The following PDCD10 variants were observed in gnomAD, a reference collection of about 807,000 sequenced individuals.
The protein encoded by PDCD10 is programmed cell death protein 10.
A neutral mutation model predicts 29.2 loss-of-function variants in PDCD10; 4 were observed. The observed-to-expected ratio is 0.14, with a 90% CI of 0.07 to 0.31. PDCD10 has a LOEUF of 0.31. PDCD10 is among the 10% of genes least tolerant of loss of function. The probability of loss-of-function intolerance (pLI) is 1.00; values close to 1 mark genes in which losing one functional copy is unlikely to be tolerated. For synonymous variants in PDCD10, 70 were observed against 82.2 expected, an observed-to-expected ratio of 0.85 and a Z score of 0.80; for missense variants, 183 against 257.9, an observed-to-expected ratio of 0.71 and a Z score of 1.99.
At chr3:167,725,142 A>G (rs1318839448) in intron 2 of PDCD10, among the ~76,000 whole-genome samples, 1 of 152,074 alleles carries the variant, frequency 6.6e-6, no homozygotes, top group African/African-American at 2.4e-5. Context: ...CTGTAGTCCC[A>G]GCTACTCAGG....
intron 3 of PDCD10, among the ~76,000 whole-genome samples, chr3:167,712,719 T>A (rs1722639241): frequency 1.3e-5 from 2 of 151,852 alleles, no homozygotes; most frequent in Admixed American, 1.3e-4. Flanking sequence ...GAGAAACACA[T>A]TTCACCTATA....
intron 6 of PDCD10, among the ~76,000 whole-genome samples, chr3:167,692,058 T>C (rs62278328): frequency 2.6e-5 from 4 of 152,220 alleles, no homozygotes; most frequent in Admixed American, 1.3e-4. Context: ...AATATTATTT[T>C]AAATGTCAAA....
At chr3:167,688,015 T>C (rs966219448) in intron 6 of PDCD10, among the ~76,000 whole-genome samples, 1 of 152,226 alleles carries the variant, frequency 6.6e-6, no homozygotes, top group African/African-American at 2.4e-5. Flanking sequence ...AAACATTACC[T>C]ATGCCTGTCT....
At chr3:167,700,203 A>G (rs114695983) in intron 4 of PDCD10, among the ~76,000 whole-genome samples, 1,995 of 152,308 alleles carry the variant, frequency 0.013, 40 homozygotes, top group African/African-American at 0.046. Context: ...AAGTATTAGT[A>G]AGTATATGAT....
Position 167,720,271 on chromosome 3 carries a change from G to T in PDCD10, c.-114C>A, listed in dbSNP as rs1016576898. ...AAGAATTGGACACAAAAAACACACT[G>T]ATCTGGTGAAAGAGGAAGAAAGAAC... is the stretch of plus-strand genomic sequence containing the variant. On this transcript the variant is annotated splice_region_variant and 5_prime_UTR_variant, in exon 3 of 9. Transcript: ENST00000392750. 1 of 726,336 alleles carries T rather than the reference G, an allele frequency of 1.4e-6. No individual in the cohort carries two copies. Among genetic ancestry groups the T allele is most frequent in the Non-Finnish European group, 2.5e-6 (1 of 402,998 alleles). The allele number at this position is 726,336 out of a possible 1,614,324, so 45.0% of individuals were successfully genotyped here.
At chr3:167,710,498 CT>C (rs1722422266) in intron 3 of PDCD10, among the ~76,000 whole-genome samples, 1 of 152,070 alleles carries the variant, frequency 6.6e-6, no homozygotes, top group African/African-American at 2.4e-5. Context: ...ATGGGAAGAA[CT>C]TTGTCTTGTG....
At chr3:167,705,808 A>C (rs1201682223) in intron 3 of PDCD10, among the ~76,000 whole-genome samples, 2 of 152,236 alleles carry the variant, frequency 1.3e-5, no homozygotes, top group Non-Finnish European at 2.9e-5. Context: ...CATAATTAAC[A>C]AAGATATGTT....
chr3:167,702,529 T>C (rs1330415719), intron 4 of PDCD10, among the ~76,000 whole-genome samples: 1 of 152,182 alleles, frequency 6.6e-6, no homozygotes, highest in Non-Finnish European at 1.5e-5. Flanking sequence ...TCAAAACTTA[T>C]ACTCAAATCT....
chr3:167,725,719 T>C (rs1724045131), intron 2 of PDCD10, among the ~76,000 whole-genome samples: 1 of 144,142 alleles, frequency 6.9e-6, no homozygotes, highest in Non-Finnish European at 1.5e-5. Flanking sequence ...AGAAGCAATC[T>C]CTTGTTAATG....
intron 6 of PDCD10, among the ~76,000 whole-genome samples, chr3:167,692,762 C>T (rs1371760774): frequency 6.6e-6 from 1 of 152,170 alleles, no homozygotes; most frequent in East Asian, 1.9e-4. Context: ...ACTAAAAATA[C>T]AAAAAATTAG....
intron 3 of PDCD10, among the ~76,000 whole-genome samples, chr3:167,718,112 GAGA>G (rs1341875514): frequency 3.9e-5 from 6 of 151,972 alleles, no homozygotes; most frequent in South Asian, 4.1e-4. Context: ...TGGAGTAACT[GAGA>G]AGGTCAAACT....
Position 167,733,831 on chromosome 3 carries a change from T to C in PDCD10, c.-117+383A>G, listed in dbSNP as rs577898784. Among the ~76,000 whole-genome samples, 3 of 152,224 alleles carry C rather than the reference T, an allele frequency of 2.0e-5. No homozygotes were observed. The East Asian group carries it at 5.8e-4, about 29-fold the overall frequency. On this transcript the variant is annotated intron_variant, in intron 2 of 8. Coordinates refer to ENST00000392750, the MANE Select transcript of PDCD10 (RefSeq NM_007217.4). ...CCATCCTATTACCTACCCGTAAAAA[T>C]GAACTGTGAGAGTAGAGTCTATCAT...
chr3:167,733,791 T>G (rs1725070404), intron 2 of PDCD10, among the ~76,000 whole-genome samples: 1 of 152,158 alleles, frequency 6.6e-6, no homozygotes, highest in Non-Finnish European at 1.5e-5. Context: ...GATATATTGT[T>G]TAACTGTTGT....
In PDCD10 at chr3:167,694,069, A is replaced by G. The variant is rs1370903296; in HGVS notation, c.395+1527T>C. ...TATGGAATGTTAAGCTGACACCCAT[A>G]ACAGTCAAGGCTTCCCATAATTCAA... On this transcript the variant is annotated intron_variant, in intron 6 of 8. Coordinates refer to ENST00000392750, the MANE Select transcript of PDCD10 (RefSeq NM_007217.4). 5.3e-5 allele frequency among the ~76,000 whole-genome samples: 8 copies of G among 152,286 alleles called. No individual in the cohort carries two copies. The South Asian group carries it at 1.7e-3, about 32-fold the overall frequency.
intron 3 of PDCD10, among the ~76,000 whole-genome samples, chr3:167,705,203 G>A (rs1721857523): frequency 6.6e-6 from 1 of 151,898 alleles, no homozygotes; most frequent in Admixed American, 6.6e-5. Flanking sequence ...AGTTTTCAGT[G>A]AACCAAAGGC....
At chr3:167,727,057 T>C (rs1046994880) in intron 2 of PDCD10, among the ~76,000 whole-genome samples, 3 of 152,184 alleles carry the variant, frequency 2.0e-5, no homozygotes, top group African/African-American at 7.2e-5. Flanking sequence ...AATGTTAAAA[T>C]TACTTTTCTA....
In PDCD10 at chr3:167,692,895, G is replaced by A. The variant is rs1334534596; in HGVS notation, c.395+2701C>T. ...ATGGCGCCACTGCACTCCAGCCTGG[G>A]CGACAGAGCAAGACTCCGTCTCAAA... On this transcript the variant is annotated intron_variant, in intron 6 of 8. Coordinates refer to ENST00000392750, the MANE Select transcript of PDCD10 (RefSeq NM_007217.4). 2.6e-5 allele frequency among the ~76,000 whole-genome samples: 4 copies of A among 152,358 alleles called. No individual in the cohort carries two copies. In the South Asian group the frequency reaches 6.2e-4, roughly 24 times the overall value.
intron 6 of PDCD10, among the ~76,000 whole-genome samples, chr3:167,692,108 G>A (rs916751885): frequency 4.6e-5 from 7 of 152,076 alleles, no homozygotes; most frequent in Non-Finnish European, 1.0e-4. Context: ...ACAAGTACAC[G>A]ATTATCAAAG....
chr3:167,716,583 A>G (rs1403021778), intron 3 of PDCD10, among the ~76,000 whole-genome samples: 3 of 151,814 alleles, frequency 2.0e-5, no homozygotes, highest in South Asian at 2.1e-4. Context: ...AATAATAAAA[A>G]TAAGATTTTA....
Sources: gnomAD v4.1 joint callset for allele counts (sites outside exome capture counted in the v4.1 genomes callset) on GRCh38, gnomAD v4.1.1 for gene constraint, MANE v1.5 for transcripts, NCBI Gene and HGNC (gene_info 2026-07-23, HGNC 2026-07-21) for gene names.